FAM53A: variants seen among roughly 807,000 people sequenced by gnomAD.
FAM53A encodes the protein protein FAM53A.
A neutral mutation model predicts 26.6 loss-of-function variants in FAM53A; 28 were observed. That is an observed-to-expected ratio of 1.05 (90% CI 0.78 to 1.45). The LOEUF (loss-of-function observed/expected upper bound fraction) is 1.45, where lower values mean the gene tolerates loss of function less well. Ranked by LOEUF, FAM53A falls within the 40% of genes most tolerant of loss-of-function variation. The probability of loss-of-function intolerance (pLI) is 0.00; values close to 1 mark genes in which losing one functional copy is unlikely to be tolerated. For synonymous variants in FAM53A, 290 were observed against 253.1 expected, an observed-to-expected ratio of 1.15 and a Z score of -1.38; for missense variants, 650 against 575.8, an observed-to-expected ratio of 1.13 and a Z score of -1.32.
At chr4:1,584,114 A>G in the FAM53A span, among the ~76,000 whole-genome samples, 2 of 152,192 alleles carry the variant, frequency 1.3e-5, no homozygotes, top group African/African-American at 4.8e-5. Flanking sequence ...GATATCATCT[A>G]TTCCTCTGTC....
the FAM53A span, among the ~76,000 whole-genome samples, chr4:1,612,127 T>C: frequency 1.3e-5 from 2 of 152,198 alleles, no homozygotes; most frequent in Non-Finnish European, 2.9e-5. Context: ...CATTAAAGAA[T>C]GAATTCTTAA....
chr4:1,660,895 TA>T (rs1232680987), intron 2 of FAM53A, among the ~76,000 whole-genome samples: 1 of 147,798 alleles, frequency 6.8e-6, no homozygotes, highest in Non-Finnish European at 1.5e-5. Flanking sequence ...AAAAAAAAAC[TA>T]AAAGTTTTTT....
At chr4:1,652,801 C>T (rs1306502190) in intron 4 of FAM53A, among the ~76,000 whole-genome samples, 11 of 146,290 alleles carry the variant, frequency 7.5e-5, no homozygotes, top group African/African-American at 1.0e-4. Context: ...ACACCACACA[C>T]GTCACACACA....
intron 1 of FAM53A, among the ~76,000 whole-genome samples, chr4:1,631,465 G>A (rs1409205148): frequency 6.6e-6 from 1 of 152,172 alleles, no homozygotes; most frequent in Admixed American, 6.5e-5. Flanking sequence ...CGGGCATTAC[G>A]GCTTCCTGTC....
chr4:1,658,130 C>T (rs868231428), intron 2 of FAM53A, among the ~76,000 whole-genome samples: 2 of 152,046 alleles, frequency 1.3e-5, no homozygotes, highest in Middle Eastern at 3.4e-3. Context: ...CCTGTCTCAG[C>T]CTCCCGAGTA....
intron 1 of FAM53A, among the ~76,000 whole-genome samples, chr4:1,624,575 C>G (rs1368824586): frequency 6.6e-6 from 1 of 152,186 alleles, no homozygotes; most frequent in African/African-American, 2.4e-5. Flanking sequence ...CACTCAGCCC[C>G]TCTGGAGACA....
At chr4:1,599,060 G>A in the FAM53A span, among the ~76,000 whole-genome samples, 1 of 152,200 alleles carries the variant, frequency 6.6e-6, no homozygotes, top group Non-Finnish European at 1.5e-5. The surrounding 1 kb of genome is among the most constrained non-coding windows in gnomAD (Gnocchi z 6.1). Flanking sequence ...CAGACCCTTC[G>A]TCACCGAGGC....
the FAM53A span, among the ~76,000 whole-genome samples, chr4:1,595,483 C>T: frequency 4.6e-5 from 7 of 152,158 alleles, no homozygotes; most frequent in African/African-American, 1.7e-4. Flanking sequence ...TGGTGCTGGG[C>T]ACATCAGAAA....
In FAM53A at chr4:1,648,365, G is replaced by A. The variant is rs563975535; in HGVS notation, c.882+6613C>T. 5.9e-5 allele frequency among the ~76,000 whole-genome samples: 9 copies of A among 152,262 alleles called. No homozygotes were observed. The East Asian group carries it at 7.7e-4, about 13-fold the overall frequency. Reference sequence around the variant, plus strand: ...CTGACAGGGAGAGGGGCACACAGACGGCAGATGAGGGACACAGAGAAAGGT... The same window carrying A: ...CTGACAGGGAGAGGGGCACACAGACAGCAGATGAGGGACACAGAGAAAGGT... On this transcript the variant is annotated intron_variant, in intron 4 of 4. Transcript: ENST00000308132.
intron 2 of FAM53A, among the ~76,000 whole-genome samples, chr4:1,668,349 A>G (rs1399476276): frequency 6.6e-6 from 1 of 152,208 alleles, no homozygotes; most frequent in Non-Finnish European, 1.5e-5. Context: ...CATGTTGGCC[A>G]GGCTGGTTAC....
the FAM53A span, among the ~76,000 whole-genome samples, chr4:1,596,227 G>A: frequency 3.3e-5 from 5 of 152,330 alleles, no homozygotes; most frequent in East Asian, 1.9e-4. Flanking sequence ...TCACATCCTC[G>A]CAGCACAGGG....
chr4:1,637,645 AGG>A (rs1715906480), downstream of FAM53A, among the ~76,000 whole-genome samples: 1 of 138,996 alleles, frequency 7.2e-6, no homozygotes, highest in Admixed American at 7.0e-5. Flanking sequence ...AGGGGTGGGC[AGG>A]GGTGGGCAGG....
downstream of FAM53A, among the ~76,000 whole-genome samples, chr4:1,638,197 C>A (rs539269921): frequency 6.6e-6 from 1 of 151,632 alleles, no homozygotes; most frequent in African/African-American, 2.4e-5. Context: ...TGGTGAGGGT[C>A]CTGGCCCCCC....
chr4:1,608,414 T>C, the FAM53A span, among the ~76,000 whole-genome samples: 3 of 152,176 alleles, frequency 2.0e-5, no homozygotes, highest in Admixed American at 1.3e-4. Context: ...GTGGATCTGC[T>C]GTTTCCATGC....
chr4:1,681,197 A>C (rs1715411695), intron 1 of FAM53A, among the ~76,000 whole-genome samples: 1 of 152,078 alleles, frequency 6.6e-6, no homozygotes, highest in South Asian at 2.1e-4. Flanking sequence ...CCCGAGTTCA[A>C]GTGATTCTCC....
chr4:1,581,894 A>ATTTT, the FAM53A span, among the ~76,000 whole-genome samples: 1 of 145,294 alleles, frequency 6.9e-6, no homozygotes, highest in African/African-American at 2.5e-5. Flanking sequence ...CATGCCCAGC[A>ATTTT]TTTTTTTTTT....
At chr4:1,604,538 C>T in the FAM53A span, among the ~76,000 whole-genome samples, 194 of 152,194 alleles carry the variant, frequency 1.3e-3, no homozygotes, top group African/African-American at 3.5e-3. Flanking sequence ...CAAAGCCGCA[C>T]GGCGCCCTGG....
At chr4:1,643,459 C>G (rs1711942098) in intron 4 of FAM53A, among the ~76,000 whole-genome samples, 1 of 151,762 alleles carries the variant, frequency 6.6e-6, no homozygotes. Context: ...GAGTGAGACT[C>G]TGTCTCAAAA....
At chr4:1,576,583 A>G in the FAM53A span, among the ~76,000 whole-genome samples, 1 of 152,248 alleles carries the variant, frequency 6.6e-6, no homozygotes, top group East Asian at 1.9e-4. Context: ...ACTACCCTCA[A>G]TTGAAATTAC....
Sources: gnomAD v4.1 joint callset for allele counts (sites outside exome capture counted in the v4.1 genomes callset) on GRCh38, gnomAD v4.1.1 for gene constraint, Gnocchi (gnomAD v3.1) non-coding constraint, MANE v1.5 for transcripts, NCBI Gene and HGNC (gene_info 2026-07-23, HGNC 2026-07-21) for gene names.